The following JMJD1C variants were observed in gnomAD, a reference collection of about 807,000 sequenced individuals.
JMJD1C encodes jumonji domain-containing protein 1C.
In JMJD1C, 31 loss-of-function variants were observed where a neutral mutation model predicts 245.3. The observed-to-expected ratio is 0.13, with a 90% CI of 0.09 to 0.17. The LOEUF is 0.17. JMJD1C is among the 10% of genes least tolerant of loss of function. The pLI is 1.00. For missense variants in JMJD1C, 2,691 were observed against 3,000.2 expected (o/e 0.90, Z 2.41); for synonymous variants, 1,057 against 1,017.4 (o/e 1.04, Z -0.74).
At chr10:63,349,474 T>A (rs988727238) in intron 2 of JMJD1C, among the ~76,000 whole-genome samples, 1 of 152,174 alleles carries the variant, frequency 6.6e-6, no homozygotes. Context: ...AAAATATAAA[T>A]AAGACATAAT....
intron 1 of JMJD1C, among the ~76,000 whole-genome samples, chr10:63,475,300 A>AT (rs768563264): frequency 3.5e-4 from 53 of 152,184 alleles, no homozygotes; most frequent in Non-Finnish European, 6.8e-4. Flanking sequence ...ATCTGAATAC[A>AT]TACTTCCTAG....
intron 10 of JMJD1C, chr10:63,202,554 G>A: frequency 1.0e-6 from 1 of 985,294 alleles, no homozygotes; most frequent in Non-Finnish European, 1.2e-6. Flanking sequence ...TTGAAATCAG[G>A]TCCAATTATT....
At chr10:63,421,779 C>T (rs964253637) in intron 1 of JMJD1C, among the ~76,000 whole-genome samples, 1 of 152,164 alleles carries the variant, frequency 6.6e-6, no homozygotes, top group African/African-American at 2.4e-5. Flanking sequence ...TTCCTCTTTG[C>T]TTCTCTTACC....
rs975217166 is a variant in JMJD1C, at chr10:63,167,784, A to G, written c.*261T>C. On this transcript the variant is annotated 3_prime_UTR_variant, in exon 26 of 26. Coordinates refer to ENST00000399262, the MANE Select transcript of JMJD1C (RefSeq NM_032776.3). Reference sequence around the variant, plus strand: ...ATAAATACATCATTTTAAATCTGGCATTTTCACAAACATCATATACACTAT... The same window carrying G: ...ATAAATACATCATTTTAAATCTGGCGTTTTCACAAACATCATATACACTAT... 1.9e-5 allele frequency: 6 copies of G among 308,984 alleles called. No individual in the cohort carries two copies. The Admixed American group carries it at 2.8e-4, about 14-fold the overall frequency. 19.1% of individuals were successfully genotyped at this position (308,984 alleles called of 1,614,324 possible).
intron 1 of JMJD1C, among the ~76,000 whole-genome samples, chr10:63,441,387 C>T (rs959970077): frequency 1.3e-5 from 2 of 152,084 alleles, no homozygotes. Flanking sequence ...TCTCTTTATT[C>T]CTCAGTTTCC....
chr10:63,213,472 C>T lies in JMJD1C; in HGVS notation c.2694+1G>A. On this transcript the variant is annotated splice_donor_variant, in intron 8 of 25. Coordinates refer to ENST00000399262, the MANE Select transcript of JMJD1C (RefSeq NM_032776.3). LOFTEE classifies it high-confidence loss of function. ...ATGTGGCAAACTACAGTGTAACTTA[C>T]CCTCCTTAATGAAGCTTCAGCATTA... 1.3e-6 allele frequency: 2 copies of T among 1,562,380 alleles called. No individual in the cohort carries two copies. The highest frequency in any genetic ancestry group is 1.8e-6 in the Non-Finnish European group (2 of 1,139,382).
intron 1 of JMJD1C, among the ~76,000 whole-genome samples, chr10:63,482,155 G>C (rs1291637049): frequency 2.0e-5 from 3 of 151,984 alleles, no homozygotes; most frequent in Non-Finnish European, 4.4e-5. Context: ...TTACGACATT[G>C]ATGAGGAAAA....
chr10:63,367,595 A>G (rs1945962609), intron 2 of JMJD1C, among the ~76,000 whole-genome samples: 1 of 152,204 alleles, frequency 6.6e-6, no homozygotes, highest in African/African-American at 2.4e-5. Context: ...AAAAATGACT[A>G]AGAAAAATCT....
chr10:63,256,650 C>T (rs544608804), intron 3 of JMJD1C, among the ~76,000 whole-genome samples: 16 of 152,308 alleles, frequency 1.1e-4, no homozygotes, highest in Admixed American at 2.6e-4. Context: ...GTTCTGGCCT[C>T]GTCTCCTAGA....
rs564894233 is a variant in JMJD1C at position 63,373,349 on chromosome 10, C to T, written c.333+6969G>A. Reference sequence around the variant, plus strand: ...GAACCAGACAATTCCAGAGAAGGAGCCTGGGTATTATACTATTCATATTTT... The same window carrying T: ...GAACCAGACAATTCCAGAGAAGGAGTCTGGGTATTATACTATTCATATTTT... On this transcript the variant is annotated intron_variant, in intron 2 of 25. Transcript: ENST00000399262. Among the ~76,000 whole-genome samples the T allele has an allele frequency of 5.9e-5, 9 of 152,138 alleles. No homozygotes were observed. The East Asian group carries it at 1.4e-3, about 23-fold the overall frequency.
chr10:63,329,337 T>C (rs909041438), intron 2 of JMJD1C, among the ~76,000 whole-genome samples: 4 of 150,916 alleles, frequency 2.7e-5, no homozygotes, highest in Non-Finnish European at 4.4e-5. Flanking sequence ...CTAGCATTCA[T>C]CTTCTCAAAA....
intron 2 of JMJD1C, among the ~76,000 whole-genome samples, chr10:63,331,578 C>T (rs1359479739): frequency 5.9e-5 from 9 of 152,146 alleles, no homozygotes; most frequent in Non-Finnish European, 1.2e-4. Flanking sequence ...GTGATCCAGA[C>T]GTTTTAACAG....
chr10:63,434,067 A>G (rs1434525491), intron 1 of JMJD1C, among the ~76,000 whole-genome samples: 1 of 152,200 alleles, frequency 6.6e-6, no homozygotes, highest in African/African-American at 2.4e-5. Context: ...TTAATGTCCC[A>G]AAATCTAAAT....
At chr10:63,404,832 T>G (rs1949075605) in intron 1 of JMJD1C, among the ~76,000 whole-genome samples, 2 of 152,196 alleles carry the variant, frequency 1.3e-5, no homozygotes, top group Admixed American at 1.3e-4. Context: ...AAAGAATGTT[T>G]TAACATTAAA....
chr10:63,469,775 T>C (rs1317051948), upstream of JMJD1C, among the ~76,000 whole-genome samples: 2 of 152,160 alleles, frequency 1.3e-5, no homozygotes, highest in Non-Finnish European at 2.9e-5. Flanking sequence ...TATGAAGTCT[T>C]AGATTATATA....
intron 1 of JMJD1C, among the ~76,000 whole-genome samples, chr10:63,463,538 T>C (rs1952949055): frequency 6.6e-6 from 1 of 152,222 alleles, no homozygotes; most frequent in African/African-American, 2.4e-5. Context: ...ATGTTAATGC[T>C]AAACTGTTCC....
Position 63,194,306 on chromosome 10 carries a change from G to C in JMJD1C, c.5714C>G (p.Thr1905Ser), listed in dbSNP as rs1181871607. The C allele has an allele frequency of 6.2e-7, 1 of 1,610,796 alleles. No individual in the cohort carries two copies. The highest frequency in any genetic ancestry group is 8.5e-7 in the Non-Finnish European group (1 of 1,177,230). The change falls in exon 14 of 26, where the codon ACC (threonine) becomes AGC (serine). Residue 1905 changes from threonine to serine, a missense_variant. Around this residue, in one of 9 missense-constraint regions of JMJD1C, gnomAD observed 139 missense variants for 270.5 expected, o/e 0.51. Coordinates refer to ENST00000399262, the MANE Select transcript of JMJD1C (RefSeq NM_032776.3). ...CTTACCAGAACCAGGTATAATTTGG[G>C]TTGGCATTAAATGTTTGTGATCATG... The part of the protein sequence containing the change: ...QPHDHKHLMP[T>S]QIIPGSVLTD...
intron 2 of JMJD1C, among the ~76,000 whole-genome samples, chr10:63,360,089 C>T (rs1056999732): frequency 6.6e-6 from 1 of 151,952 alleles, no homozygotes; most frequent in Non-Finnish European, 1.5e-5. Context: ...GCAGGAGAAT[C>T]AATAGAGGCC....
At chr10:63,212,823 T>C (rs1229772048) in intron 8 of JMJD1C, among the ~76,000 whole-genome samples, 1 of 151,288 alleles carries the variant, frequency 6.6e-6, no homozygotes, top group African/African-American at 2.4e-5. Flanking sequence ...AATAATTATG[T>C]ATAATTTGTA....
Sources: gnomAD v4.1 joint callset for allele counts (sites outside exome capture counted in the v4.1 genomes callset) on GRCh38, gnomAD v4.1.1 for gene constraint, gnomAD v4.1.1 regional missense constraint, MANE v1.5 for transcripts, NCBI Gene and HGNC (gene_info 2026-07-23, HGNC 2026-07-21) for gene names.